Variants in PCDHA1 observed in about 807,000 individuals in gnomAD.
PCDHA1 encodes the protein protocadherin alpha-1.
In PCDHA1, 42 loss-of-function variants were observed where a neutral mutation model predicts 61.3. That is an observed-to-expected ratio of 0.69 (90% CI 0.54 to 0.89). The LOEUF is 0.89. Ranked by LOEUF, PCDHA1 falls within the 40% of genes least tolerant of loss-of-function variation. The probability of loss-of-function intolerance (pLI) is 0.00; values close to 1 mark genes in which losing one functional copy is unlikely to be tolerated. For synonymous variants in PCDHA1, 610 were observed against 553.8 expected, an observed-to-expected ratio of 1.10 and a Z score of -1.43; for missense variants, 1,256 against 1,235.3, an observed-to-expected ratio of 1.02 and a Z score of -0.25.
intron 1 of PCDHA1, chr5:140,968,734 C>A: frequency 6.2e-7 from 1 of 1,614,162 alleles, no homozygotes; most frequent in Non-Finnish European, 8.5e-7. Flanking sequence ...GTAGCACTTT[C>A]AACCTGACCG....
rs140949600 is a variant in PCDHA1, at chr5:140,848,602, C to G, written c.2394+59918C>G. Reference sequence around the variant, plus strand: ...AGCGGCCAGCTCCACTACTCCGTCCCGGAGGAAGCCGAACACGGCACCTTC... The same window carrying G: ...AGCGGCCAGCTCCACTACTCCGTCCGGGAGGAAGCCGAACACGGCACCTTC... On this transcript the variant is annotated intron_variant, in intron 1 of 3. Transcript: ENST00000504120. 8.2e-6 allele frequency: 13 copies of G among 1,593,476 alleles called. 1 individual carries two copies. In the South Asian group the frequency reaches 1.1e-4, roughly 14 times the overall value.
At chr5:140,792,695 C>T (rs927756148) in intron 1 of PCDHA1, among the ~76,000 whole-genome samples, 2 of 152,188 alleles carry the variant, frequency 1.3e-5, no homozygotes, top group Non-Finnish European at 2.9e-5. Context: ...TTGTCTCAAG[C>T]AAGCCATGTT....
At position 140,825,360 on chromosome 5, in the gene PCDHA1, A is replaced by G. The variant is rs1051458898; in HGVS notation, c.2394+36676A>G. 2.7e-5 allele frequency: 4 copies of G among 147,186 alleles called. No homozygotes were observed. The South Asian group carries it at 6.3e-4, about 23-fold the overall frequency. 9.1% of individuals were successfully genotyped at this position (147,186 alleles called of 1,614,324 possible). A position where few individuals can be genotyped will look rare whatever the true frequency, so the allele number is the denominator to read the frequency against. ...TTTCAATATATCTAATATATATTAG[A>G]TATATAAATATCTAAAATATCTAAT... On this transcript the variant is annotated intron_variant, in intron 1 of 3. Coordinates refer to ENST00000504120, the MANE Select transcript of PCDHA1 (RefSeq NM_018900.4).
chr5:140,978,865 A>G, intron 1 of PCDHA1, 84 bp from the exon 2 acceptor site: 1 of 1,602,026 alleles, frequency 6.2e-7, no homozygotes, highest in South Asian at 1.1e-5. Flanking sequence ...GAAATATTTA[A>G]GGGAGTAACT....
chr5:140,977,325 G>A (rs1277032974), intron 1 of PCDHA1, among the ~76,000 whole-genome samples: 1 of 152,210 alleles, frequency 6.6e-6, no homozygotes, highest in African/African-American at 2.4e-5. Context: ...TCCTGATGGC[G>A]AGGGGAGAGA....
chr5:140,892,661 T>A (rs2063613573), intron 1 of PCDHA1, among the ~76,000 whole-genome samples: 1 of 152,232 alleles, frequency 6.6e-6, no homozygotes, highest in Non-Finnish European at 1.5e-5. Flanking sequence ...CAGAGTGACA[T>A]TTTGATACAT....
chr5:140,968,185 C>T (rs1554230464), intron 1 of PCDHA1: 1 of 1,614,034 alleles, frequency 6.2e-7, no homozygotes, highest in East Asian at 2.2e-5. Context: ...TGGAGGACTC[C>T]TATTCCATCT....
Position 141,009,969 on chromosome 5 carries a change from GT to G in PCDHA1, c.*37del, listed in dbSNP as rs2098415622. On this transcript the variant is annotated 3_prime_UTR_variant, in exon 4 of 4. Coordinates refer to ENST00000504120, the MANE Select transcript of PCDHA1 (RefSeq NM_018900.4). ...CAAATGGAAACAAGCCACTTAGCCA[GT>G]TTTTGTAATAATGGCAAATCTCTCC... 6.3e-7 allele frequency: 1 copy of G among 1,586,478 alleles called. No homozygotes were observed. The highest frequency in any genetic ancestry group is 1.8e-5 in the Admixed American group (1 of 54,174).
intron 1 of PCDHA1, chr5:140,848,340 A>C (rs1781459761): frequency 3.4e-6 from 3 of 893,920 alleles, no homozygotes; most frequent in Admixed American, 2.4e-5. Flanking sequence ...ATCCAGACAA[A>C]TACAGCCCTT....
At chr5:140,836,236 C>G (rs2150256110) in intron 1 of PCDHA1, 11 of 1,613,794 alleles carry the variant, frequency 6.8e-6, no homozygotes, top group Middle Eastern at 1.6e-4. Context: ...GCGGCCGGTG[C>G]GAGCATCCCG....
chr5:140,793,789 AT>A (rs1761807713), intron 1 of PCDHA1, among the ~76,000 whole-genome samples: 1 of 152,232 alleles, frequency 6.6e-6, no homozygotes, highest in East Asian at 1.9e-4. Context: ...GATCGATTGT[AT>A]TGTTCTTGCA....
chr5:140,823,810 T>A (rs1767880072), intron 1 of PCDHA1: 1 of 1,613,758 alleles, frequency 6.2e-7, no homozygotes, highest in Non-Finnish European at 8.5e-7. Context: ...GAAGGCCTCA[T>A]CGCGGGCGTC....
chr5:140,895,021 G>T (rs956122734), intron 1 of PCDHA1, among the ~76,000 whole-genome samples: 3 of 151,838 alleles, frequency 2.0e-5, no homozygotes, highest in Non-Finnish European at 4.4e-5. Context: ...TTTTTCCTTT[G>T]TTTAATTGTC....
Position 140,863,100 on chromosome 5 carries a change from C to A in PCDHA1, c.2394+74416C>A, listed in dbSNP as rs146061743. 4,507 of 579,870 alleles carry A rather than the reference C, an allele frequency of 7.8e-3. 34 individuals carry two copies. The highest frequency in any genetic ancestry group is 0.018 in the Middle Eastern group (62 of 3,436). The allele number at this position is 579,870 out of a possible 1,614,324, so 35.9% of individuals were successfully genotyped here. A position where few individuals can be genotyped will look rare whatever the true frequency, so the allele number is the denominator to read the frequency against. ...CGGGCGAGATCAGCACGACGAGTAC[C>A]CTGGACGAGGCGAAAGCTACGCGCC... On this transcript the variant is annotated intron_variant, in intron 1 of 3. Coordinates refer to ENST00000504120, the MANE Select transcript of PCDHA1 (RefSeq NM_018900.4).
Position 140,787,767 on chromosome 5 carries a change from T to A in PCDHA1, c.1477T>A (p.Ser493Thr). 6.2e-7 allele frequency: 1 copy of A among 1,613,150 alleles called. No individual in the cohort carries two copies. The highest frequency in any genetic ancestry group is 8.5e-7 in the Non-Finnish European group (1 of 1,179,828). The part of the protein sequence containing the change: ...DAQENALVSY[S>T]LVERRVGERA... The stretch of plus-strand genomic sequence containing the variant: ...GCAGGAGAACGCGCTGGTGTCCTAT[T>A]CGCTGGTGGAACGGCGGGTGGGCGA... Residue 493 changes from serine (S) to threonine (T), a missense_variant, in exon 1 of 4, where the codon TCG becomes ACG. Ser to Thr is a moderately conservative substitution (Grantham distance 58, BLOSUM62 1). Transcript: ENST00000504120.
At chr5:140,988,093 G>C (rs17119334) in intron 3 of PCDHA1, among the ~76,000 whole-genome samples, 1 of 152,036 alleles carries the variant, frequency 6.6e-6, no homozygotes, top group Non-Finnish European at 1.5e-5. Flanking sequence ...GTGCAGCCTC[G>C]GGCCTTGTTG....
At chr5:140,813,583 T>G (rs1765338148) in intron 1 of PCDHA1, 1 of 152,210 alleles carries the variant, frequency 6.6e-6, no homozygotes, top group Non-Finnish European at 1.5e-5. Context: ...GGCTGGAAAT[T>G]TATCTGCATG....
chr5:140,841,748 T>G (rs2150322169), intron 1 of PCDHA1: 12 of 1,613,846 alleles, frequency 7.4e-6, no homozygotes, highest in Non-Finnish European at 9.3e-6. Context: ...GCTGTTTGTT[T>G]CAGAATCCAG....
intron 1 of PCDHA1, chr5:140,967,070 A>C (rs781831975): frequency 6.2e-7 from 1 of 1,613,072 alleles, no homozygotes; most frequent in South Asian, 1.1e-5. Context: ...GCTCTTCGTC[A>C]ACGAGCGCAT....
Sources: gnomAD v4.1 joint callset for allele counts (sites outside exome capture counted in the v4.1 genomes callset) on GRCh38, gnomAD v4.1.1 for gene constraint, MANE v1.5 for transcripts, NCBI Gene and HGNC (gene_info 2026-07-23, HGNC 2026-07-21) for gene names.